PAPPA2: variants seen among roughly 807,000 people sequenced by gnomAD.
The protein encoded by PAPPA2 is pappalysin 2.
A neutral mutation model predicts 176.4 loss-of-function variants in PAPPA2; 86 were observed. The ratio of observed to expected loss-of-function variants is 0.49; its 90% confidence interval spans 0.41 to 0.58. PAPPA2 has a LOEUF of 0.58. PAPPA2 is among the 20% of genes least tolerant of loss of function. The pLI, the probability that PAPPA2 is intolerant of heterozygous loss-of-function variation, is 0.00. For missense variants in PAPPA2, 2,073 were observed against 2,256.9 expected, an observed-to-expected ratio of 0.92 and a Z score of 1.65; for synonymous variants, 809 against 852.2, an observed-to-expected ratio of 0.95 and a Z score of 0.88.
At chr1:176,616,033 G>C (rs906522527) in intron 3 of PAPPA2, among the ~76,000 whole-genome samples, 3 of 152,196 alleles carry the variant, frequency 2.0e-5, no homozygotes, top group Non-Finnish European at 4.4e-5. Context: ...TGAATGACAA[G>C]CACATTTTAT....
At chr1:176,579,487 A>G (rs976491570) in intron 2 of PAPPA2, among the ~76,000 whole-genome samples, 1 of 152,142 alleles carries the variant, frequency 6.6e-6, no homozygotes, top group East Asian at 1.9e-4. Context: ...AGACATAAAC[A>G]GCTGGGCCAG....
At chr1:176,481,350 G>A (rs925082537) in intron 1 of PAPPA2, among the ~76,000 whole-genome samples, 5 of 151,304 alleles carry the variant, frequency 3.3e-5, no homozygotes, top group South Asian at 4.2e-4. Context: ...CTCCTATGCC[G>A]GGGCCTTCGA....
chr1:176,555,194 G>A (rs1651204763), intron 1 of PAPPA2, among the ~76,000 whole-genome samples: 1 of 152,038 alleles, frequency 6.6e-6, no homozygotes, highest in Admixed American at 6.5e-5. Context: ...AGGAAGGAGG[G>A]GACAGGGAGG....
At chr1:176,804,323 A>G (rs1014951171) in intron 21 of PAPPA2, among the ~76,000 whole-genome samples, 1 of 152,150 alleles carries the variant, frequency 6.6e-6, no homozygotes, top group African/African-American at 2.4e-5. Context: ...TTTTGCACCC[A>G]CCACTTCTCA....
At chr1:176,684,472 T>C (rs1384539808) in intron 4 of PAPPA2, among the ~76,000 whole-genome samples, 1 of 152,124 alleles carries the variant, frequency 6.6e-6, no homozygotes, top group Non-Finnish European at 1.5e-5. Flanking sequence ...TTTTTCTTCC[T>C]GTTTCAATGT....
intron 20 of PAPPA2, among the ~76,000 whole-genome samples, chr1:176,797,484 A>G (rs1470606566): frequency 6.6e-6 from 1 of 152,058 alleles, no homozygotes. Context: ...TCTCTATAAA[A>G]TAAAAATTTT....
chr1:176,676,418 C>A (rs1250108224), intron 4 of PAPPA2, among the ~76,000 whole-genome samples: 1 of 151,372 alleles, frequency 6.6e-6, no homozygotes, highest in South Asian at 2.1e-4. Flanking sequence ...TTAATGCATG[C>A]ACCAACTTGG....
intron 6 of PAPPA2, 114 bp downstream of exon 6, chr1:176,692,432 C>A: frequency 9.5e-7 from 1 of 1,055,104 alleles, no homozygotes; most frequent in Non-Finnish European, 1.4e-6. Context: ...TAAATGTGTG[C>A]ACCACTGCTC....
At chr1:176,827,617 C>A (rs1208041349) in intron 21 of PAPPA2, among the ~76,000 whole-genome samples, 2 of 152,126 alleles carry the variant, frequency 1.3e-5, no homozygotes, top group Admixed American at 1.3e-4. Context: ...ACTGACCTTC[C>A]ATTTACCTAT....
intron 3 of PAPPA2, among the ~76,000 whole-genome samples, chr1:176,634,794 G>GGAGAGAGA (rs375139141): frequency 1.1e-4 from 13 of 123,114 alleles, no homozygotes; most frequent in African/African-American, 3.4e-4. Flanking sequence ...AAATTTCCAA[G>GGAGAGAGA]GAGAGAGATA....
chr1:176,739,892 A>T, intron 13 of PAPPA2, 88 bp from the exon 14 acceptor site: 1 of 1,567,746 alleles, frequency 6.4e-7, no homozygotes. Context: ...GGCATCATAC[A>T]CCTATTAAGA....
At chr1:176,486,638 A>T (rs915744002) in intron 1 of PAPPA2, among the ~76,000 whole-genome samples, 1 of 152,202 alleles carries the variant, frequency 6.6e-6, no homozygotes, top group Non-Finnish European at 1.5e-5. Flanking sequence ...ATGGAGGAAA[A>T]TCACAAGCAC....
Position 176,702,674 on chromosome 1 carries a change from G to T in PAPPA2, c.3304G>T (p.Ala1102Ser). ...TGAAGCTGGAGGAGAACTGGGAGAA[G>T]CTTCGCCTCCTCTGAACCACATTCA... ...LAEAGGELGE[A>S]SPPLNHIHGA... Residue 1102 changes from alanine to serine, a missense_variant, in exon 9 of 23, where the codon GCT (alanine) becomes TCT (serine). By Grantham distance (99) the Ala-to-Ser change is moderately conservative. Transcript: ENST00000367662. 2 of 1,613,520 alleles carry T rather than the reference G, an allele frequency of 1.2e-6. No homozygotes were observed. Among genetic ancestry groups the T allele is most frequent in the Non-Finnish European group, 1.7e-6 (2 of 1,179,764 alleles).
At chr1:176,681,391 T>C (rs939419483) in intron 4 of PAPPA2, among the ~76,000 whole-genome samples, 17 of 152,094 alleles carry the variant, frequency 1.1e-4, no homozygotes, top group African/African-American at 4.1e-4. Flanking sequence ...GGAGGAAACT[T>C]GAACCTGGAT....
chr1:176,582,350 A>G (rs913882012), intron 2 of PAPPA2, among the ~76,000 whole-genome samples: 2 of 152,138 alleles, frequency 1.3e-5, no homozygotes, highest in Non-Finnish European at 2.9e-5. Context: ...TTCCAGTGCT[A>G]TGTCAAATAA....
At chr1:176,534,908 G>C (rs1397840707) in intron 1 of PAPPA2, among the ~76,000 whole-genome samples, 1 of 152,174 alleles carries the variant, frequency 6.6e-6, no homozygotes, top group African/African-American at 2.4e-5. Context: ...AATCCTGCTT[G>C]AACTACACTC....
rs139015123 is a variant in PAPPA2 at position 176,700,024 on chromosome 1, G to A, written c.3236+435G>A. ...AGGCCGAGGGCCTGGCAGACCAGAC[G>A]ATACACTCAGTTCCATGACTCATTC... On this transcript the variant is annotated intron_variant, in intron 8 of 22. Transcript: ENST00000367662. 2.2e-4 allele frequency among the ~76,000 whole-genome samples: 34 copies of A among 152,256 alleles called. 1 individual carries two copies. In the East Asian group the frequency reaches 4.6e-3, roughly 21 times the overall value.
intron 1 of PAPPA2, among the ~76,000 whole-genome samples, chr1:176,535,100 A>C (rs1650000120): frequency 6.6e-6 from 1 of 152,210 alleles, no homozygotes; most frequent in African/African-American, 2.4e-5. Flanking sequence ...TACAGGGTGG[A>C]GAAAAATGGG....
chr1:176,614,093 T>C (rs1258819799), intron 3 of PAPPA2, among the ~76,000 whole-genome samples: 1 of 152,210 alleles, frequency 6.6e-6, no homozygotes, highest in Non-Finnish European at 1.5e-5. Flanking sequence ...GAGCAGGCAG[T>C]ATTCTGCTTT....
Sources: gnomAD v4.1 joint callset for allele counts (sites outside exome capture counted in the v4.1 genomes callset) on GRCh38, gnomAD v4.1.1 for gene constraint, MANE v1.5 for transcripts, NCBI Gene and HGNC (gene_info 2026-07-23, HGNC 2026-07-21) for gene names.